The following ZPBP variants were observed in gnomAD, a reference collection of about 807,000 sequenced individuals.
ZPBP encodes the protein zona pellucida binding protein.
In ZPBP, 26 loss-of-function variants were observed where a neutral mutation model predicts 44.8. The observed-to-expected ratio is 0.58, with a 90% CI of 0.43 to 0.81. The LOEUF (loss-of-function observed/expected upper bound fraction) is 0.81, where lower values mean the gene tolerates loss of function less well. Ranked by LOEUF, ZPBP falls within the 30% of genes least tolerant of loss-of-function variation. ZPBP has a pLI of 0.00. For missense variants in ZPBP, 409 were observed against 434.0 expected (o/e 0.94, Z 0.51); for synonymous variants, 174 against 153.2 (o/e 1.14, Z -1.00).
intron 1 of ZPBP, among the ~76,000 whole-genome samples, chr7:49,923,454 T>C (rs1351138167): frequency 6.6e-6 from 1 of 152,248 alleles, no homozygotes; most frequent in Non-Finnish European, 1.5e-5. Context: ...TAGAATTCCA[T>C]ACATATAATT....
At chr7:49,968,807 T>C (rs1364888977) in intron 7 of ZPBP, among the ~76,000 whole-genome samples, 1 of 151,906 alleles carries the variant, frequency 6.6e-6, no homozygotes, top group Non-Finnish European at 1.5e-5. Context: ...ATAGCACAAA[T>C]AAATTCCAAT....
intron 2 of ZPBP, among the ~76,000 whole-genome samples, chr7:49,865,550 A>G (rs1790848782): frequency 6.6e-6 from 1 of 152,186 alleles, no homozygotes; most frequent in African/African-American, 2.4e-5. Context: ...AAGCTAACTC[A>G]TAATCCTCCA....
intron 2 of ZPBP, among the ~76,000 whole-genome samples, chr7:49,895,420 G>A (rs184352536): frequency 6.6e-6 from 1 of 152,242 alleles, no homozygotes; most frequent in Admixed American, 6.5e-5. Context: ...AGTGAGCAGG[G>A]TGGACATACT....
At position 49,969,860 on chromosome 7, in the gene ZPBP, G is replaced by GAC. The variant is rs534495710; in HGVS notation, c.961+13481_961+13482insGT. Among the ~76,000 whole-genome samples, 27 of 150,812 alleles carry GAC rather than the reference G, an allele frequency of 1.8e-4. 1 individual carries two copies. The South Asian group carries it at 5.3e-3, about 29-fold the overall frequency. ...AGAGAGAGAGAAAGAGAAAGAGAGA[G>GAC]AGAGACAGAGACAGAGACAATGACA... On this transcript the variant is annotated intron_variant, in intron 7 of 7. Transcript: ENST00000046087.
intron 3 of ZPBP, among the ~76,000 whole-genome samples, chr7:50,078,814 C>T (rs1302690791): frequency 1.3e-5 from 2 of 151,646 alleles, no homozygotes; most frequent in East Asian, 3.9e-4. Context: ...AACTATGCCT[C>T]CCATGAAGTC....
At chr7:50,063,234 T>A (rs1390694352) in intron 3 of ZPBP, among the ~76,000 whole-genome samples, 5 of 152,204 alleles carry the variant, frequency 3.3e-5, no homozygotes, top group Admixed American at 3.3e-4. Flanking sequence ...TTTGAAGGAC[T>A]CCAGTTCTTT....
At position 49,994,141 on chromosome 7, in the gene ZPBP, G is replaced by A. The variant is rs146574877; in HGVS notation, c.784-10622C>T. Among the ~76,000 whole-genome samples the A allele has an allele frequency of 3.2e-3, 493 of 152,244 alleles. 6 individuals carry two copies. The highest frequency in any genetic ancestry group is 0.011 in the African/African-American group (449 of 41,530). On this transcript the variant is annotated intron_variant, in intron 6 of 7. Coordinates refer to ENST00000046087, the MANE Select transcript of ZPBP (RefSeq NM_007009.3). ...ATAATTTCACATCTGGCCATTATTC[G>A]TTCCAATTGCACAGTTTTGATGCAT... is the stretch of plus-strand genomic sequence containing the variant.
At chr7:50,089,569 G>T in intron 2 of ZPBP, 60 bp downstream of exon 2, 1 of 1,265,682 alleles carries the variant, frequency 7.9e-7, no homozygotes, top group Non-Finnish European at 1.1e-6. Flanking sequence ...GGAGAAGACT[G>T]ATAAATTTAA....
intron 7 of ZPBP, among the ~76,000 whole-genome samples, chr7:49,977,334 T>C (rs1268335019): frequency 1.3e-5 from 2 of 152,056 alleles, no homozygotes; most frequent in Non-Finnish European, 2.9e-5. Context: ...ATACATGTAG[T>C]GAAAACGACG....
At chr7:49,966,061 C>T (rs1358740897) in intron 7 of ZPBP, among the ~76,000 whole-genome samples, 1 of 151,838 alleles carries the variant, frequency 6.6e-6, no homozygotes, top group Non-Finnish European at 1.5e-5. Flanking sequence ...TGGATTTAAC[C>T]AGGAGCATAT....
At chr7:49,931,957 G>A (rs1410544268) in intron 1 of ZPBP, among the ~76,000 whole-genome samples, 1 of 152,232 alleles carries the variant, frequency 6.6e-6, no homozygotes, top group South Asian at 2.1e-4. Context: ...GCTTCAGAGG[G>A]AAGAAGCCCC....
chr7:50,042,980 C>A (rs535423479), intron 4 of ZPBP, among the ~76,000 whole-genome samples: 31 of 152,138 alleles, frequency 2.0e-4, no homozygotes, highest in African/African-American at 6.3e-4. Flanking sequence ...TTGACATGCT[C>A]GTGATGGCCA....
chr7:49,853,526 G>GT (rs1484608180), intron 2 of ZPBP, among the ~76,000 whole-genome samples: 1 of 151,740 alleles, frequency 6.6e-6, no homozygotes, highest in African/African-American at 2.4e-5. Context: ...TAGGTCCTAA[G>GT]TTTTTGGTTT....
intron 2 of ZPBP, among the ~76,000 whole-genome samples, chr7:49,866,054 T>G (rs186000420): frequency 1.3e-5 from 2 of 152,330 alleles, no homozygotes; most frequent in African/African-American, 4.8e-5. Flanking sequence ...TTGAGAATCT[T>G]TTGCCAGTGG....
Position 49,937,518 on chromosome 7 carries a change from A to G in ZPBP, c.*10T>C. 6.3e-7 allele frequency: 1 copy of G among 1,599,378 alleles called. No individual in the cohort carries two copies. Among genetic ancestry groups the G allele is most frequent in the African/African-American group, 1.3e-5 (1 of 74,734 alleles). ...ATTTAATAAACCACTGAATAACTGA[A>G]GATAATGGCTTATAAGCACGTTTTT... On this transcript the variant is annotated 3_prime_UTR_variant, in exon 8 of 8. Coordinates refer to ENST00000046087, the MANE Select transcript of ZPBP (RefSeq NM_007009.3).
At chr7:50,031,422 T>G in intron 4 of ZPBP, 112 bp from the exon 5 acceptor site, 2 of 793,324 alleles carry the variant, frequency 2.5e-6, no homozygotes, top group South Asian at 3.8e-5. Flanking sequence ...GTACATGTTT[T>G]TAGATATAAT....
intron 5 of ZPBP, among the ~76,000 whole-genome samples, chr7:50,027,072 C>A (rs960060404): frequency 6.6e-6 from 1 of 151,770 alleles, no homozygotes; most frequent in Non-Finnish European, 1.5e-5. Context: ...ATGTGCTCAA[C>A]CCCCCCTCAT....
intron 5 of ZPBP, among the ~76,000 whole-genome samples, chr7:50,019,394 C>T (rs778996160): frequency 9.2e-5 from 14 of 152,080 alleles, no homozygotes; most frequent in Non-Finnish European, 1.5e-4. Flanking sequence ...GTGTTCATCT[C>T]CTTAATAACA....
At chr7:49,939,172 A>G (rs1794750396) in intron 7 of ZPBP, among the ~76,000 whole-genome samples, 1 of 152,234 alleles carries the variant, frequency 6.6e-6, no homozygotes, top group African/African-American at 2.4e-5. Context: ...ATATTTATTG[A>G]AGAACAAATA....
Sources: gnomAD v4.1 joint callset for allele counts (sites outside exome capture counted in the v4.1 genomes callset) on GRCh38, gnomAD v4.1.1 for gene constraint, MANE v1.5 for transcripts, NCBI Gene and HGNC (gene_info 2026-07-23, HGNC 2026-07-21) for gene names.